Variants in SDK1 observed in about 807,000 individuals in gnomAD.
SDK1 encodes sidekick cell adhesion molecule 1, also known as protein sidekick-1.
In SDK1, 157 loss-of-function variants were observed where a neutral mutation model predicts 245.5. That is an observed-to-expected ratio of 0.64 (90% CI 0.56 to 0.73). SDK1 has a LOEUF of 0.73. Ranked by LOEUF, SDK1 falls within the 30% of genes least tolerant of loss-of-function variation. SDK1 has a pLI of 0.00. For synonymous variants in SDK1, 1,647 were observed against 1,278.5 expected, an observed-to-expected ratio of 1.29 and a Z score of -6.15; for missense variants, 3,583 against 3,002.3, an observed-to-expected ratio of 1.19 and a Z score of -4.52.
intron 4 of SDK1, among the ~76,000 whole-genome samples, chr7:3,817,226 T>C (rs568286435): frequency 6.6e-6 from 1 of 152,284 alleles, no homozygotes; most frequent in South Asian, 2.1e-4. Context: ...CATGAAAATA[T>C]TTCTGGACAC....
chr7:4,228,576 G>A (rs1239787444), intron 40 of SDK1, among the ~76,000 whole-genome samples: 2 of 152,200 alleles, frequency 1.3e-5, no homozygotes, highest in Non-Finnish European at 2.9e-5. Context: ...GTCTCACTCT[G>A]TTGCCCAGGC....
chr7:4,204,596 C>A (rs1784086814), intron 35 of SDK1, among the ~76,000 whole-genome samples: 1 of 152,194 alleles, frequency 6.6e-6, no homozygotes, highest in Non-Finnish European at 1.5e-5. Context: ...CTCCAGAGAG[C>A]CGGGTGCTGG....
chr7:3,801,344 T>C (rs1779101714), intron 4 of SDK1, among the ~76,000 whole-genome samples: 1 of 152,216 alleles, frequency 6.6e-6, no homozygotes, highest in Non-Finnish European at 1.5e-5. Flanking sequence ...CTCTTTCCAA[T>C]GTCATTGCAA....
chr7:3,677,189 C>T (rs2163687), intron 4 of SDK1, among the ~76,000 whole-genome samples: 79,465 of 152,040 alleles, frequency 0.52, 21,447 homozygotes, highest in Non-Finnish European at 0.61. Flanking sequence ...GCTCTGTGTG[C>T]GAAGGGGTAT....
At chr7:3,715,027 G>C (rs138468734) in intron 4 of SDK1, among the ~76,000 whole-genome samples, 66 of 152,226 alleles carry the variant, frequency 4.3e-4, no homozygotes, top group African/African-American at 1.5e-3. Flanking sequence ...GAATCAAGTA[G>C]AGAGAATACT....
At chr7:4,101,394 G>A (rs1782531288) in intron 22 of SDK1, among the ~76,000 whole-genome samples, 4 of 152,114 alleles carry the variant, frequency 2.6e-5, no homozygotes, top group South Asian at 4.1e-4. Flanking sequence ...TGATCCACCC[G>A]CCTTGGCCTC....
intron 4 of SDK1, among the ~76,000 whole-genome samples, chr7:3,663,527 A>G (rs1161936329): frequency 6.6e-6 from 1 of 152,186 alleles, no homozygotes; most frequent in African/African-American, 2.4e-5. Flanking sequence ...GACCTGAACA[A>G]CACAATGATG....
At chr7:3,482,922 A>G (rs1393643571) in intron 1 of SDK1, among the ~76,000 whole-genome samples, 10 of 151,540 alleles carry the variant, frequency 6.6e-5, no homozygotes, top group South Asian at 4.1e-4. Context: ...AACGTTAGCT[A>G]TGATGATGCT....
intron 4 of SDK1, chr7:3,642,833 G>T (rs1482084541): frequency 6.6e-6 from 1 of 152,186 alleles, no homozygotes; most frequent in Non-Finnish European, 1.5e-5. Flanking sequence ...AGGTTTCAAG[G>T]CTGAACATTT....
At chr7:3,532,549 G>A (rs1349028214) in intron 1 of SDK1, among the ~76,000 whole-genome samples, 1 of 152,138 alleles carries the variant, frequency 6.6e-6, no homozygotes, top group East Asian at 1.9e-4. Context: ...AGTAGTGATG[G>A]AACCCTGGGT....
chr7:3,619,940 C>T (rs1781883413), intron 2 of SDK1, among the ~76,000 whole-genome samples: 1 of 152,160 alleles, frequency 6.6e-6, no homozygotes, highest in African/African-American at 2.4e-5. Context: ...CGCTTCAGAG[C>T]TTTCCAGGGG....
In SDK1 at chr7:3,361,713, C is replaced by T. The variant is rs558061620; in HGVS notation, c.298+59829C>T. Among the ~76,000 whole-genome samples the T allele has an allele frequency of 4.6e-5, 7 of 152,252 alleles. 1 individual carries two copies. In the South Asian group the frequency reaches 6.2e-4, roughly 14 times the overall value. On this transcript the variant is annotated intron_variant, in intron 1 of 44. Coordinates refer to ENST00000404826, the MANE Select transcript of SDK1 (RefSeq NM_152744.4). ...GGCTTAGAAATCACCTTTGGTCACA[C>T]GAAATAGGGCATTTATTGCAGGTTT...
chr7:3,465,474 T>C (rs1780970126), intron 1 of SDK1, among the ~76,000 whole-genome samples: 1 of 152,238 alleles, frequency 6.6e-6, no homozygotes, highest in Non-Finnish European at 1.5e-5. Context: ...GGATACTCTC[T>C]TGTGCCTCAC....
chr7:3,904,652 C>A (rs760178244), intron 5 of SDK1, among the ~76,000 whole-genome samples: 1 of 152,084 alleles, frequency 6.6e-6, no homozygotes, highest in South Asian at 2.1e-4. Context: ...TACGATAACA[C>A]CACTTCACTC....
chr7:3,762,371 C>T (rs190092865), intron 4 of SDK1, among the ~76,000 whole-genome samples: 145 of 152,338 alleles, frequency 9.5e-4, no homozygotes, highest in African/African-American at 3.1e-3. Flanking sequence ...AAGGGCGGCT[C>T]TGCGCCCTCA....
intron 4 of SDK1, among the ~76,000 whole-genome samples, chr7:3,686,931 C>T (rs944371605): frequency 2.0e-5 from 3 of 152,076 alleles, no homozygotes; most frequent in African/African-American, 7.2e-5. Context: ...GGTAGTGGCC[C>T]TGGAGTGTGA....
chr7:3,903,345 G>C (rs563361552), intron 5 of SDK1, among the ~76,000 whole-genome samples: 107 of 152,084 alleles, frequency 7.0e-4, no homozygotes, highest in Non-Finnish European at 1.3e-3. Context: ...AGGTTTCACC[G>C]TGTTAGCCAG....
At chr7:3,334,499 C>G (rs1780149820) in intron 1 of SDK1, among the ~76,000 whole-genome samples, 1 of 151,884 alleles carries the variant, frequency 6.6e-6, no homozygotes, top group South Asian at 2.1e-4. Flanking sequence ...CAGGAGTCAG[C>G]AAGGTTGCTG....
intron 5 of SDK1, among the ~76,000 whole-genome samples, chr7:3,937,320 C>A (rs1780194919): frequency 6.6e-6 from 1 of 152,176 alleles, no homozygotes; most frequent in African/African-American, 2.4e-5. Flanking sequence ...TGCTCATGGT[C>A]ATGCGTTCCA....
Sources: gnomAD v4.1 joint callset for allele counts (sites outside exome capture counted in the v4.1 genomes callset) on GRCh38, gnomAD v4.1.1 for gene constraint, MANE v1.5 for transcripts, NCBI Gene and HGNC (gene_info 2026-07-23, HGNC 2026-07-21) for gene names.